The following LDB2 variants were observed in gnomAD, a reference collection of about 807,000 sequenced individuals.
LDB2 encodes the protein LIM domain-binding protein 2.
Under a neutral mutation model 44.3 loss-of-function variants are expected in LDB2, and 12 were observed. The ratio of observed to expected loss-of-function variants is 0.27; its 90% CI spans 0.17 to 0.44. The LOEUF (loss-of-function observed/expected upper bound fraction) is 0.44, where lower values mean the gene tolerates loss of function less well. LDB2 is among the 20% of genes least tolerant of loss of function. The pLI is 1.00. For synonymous variants in LDB2, 164 were observed against 174.8 expected, an observed-to-expected ratio of 0.94 and a Z score of 0.49; for missense variants, 344 against 473.5, an observed-to-expected ratio of 0.73 and a Z score of 2.54.
chr4:16,898,130 C>T (rs939549234), intron 1 of LDB2, among the ~76,000 whole-genome samples: 1 of 151,680 alleles, frequency 6.6e-6, no homozygotes, highest in African/African-American at 2.4e-5. Context: ...GAATCAAGTG[C>T]TGGGTTGTCT....
chr4:16,608,199 ACTT>A (rs149989232), intron 2 of LDB2, among the ~76,000 whole-genome samples: 2,083 of 118,076 alleles, frequency 0.018, 72 homozygotes, highest in African/African-American at 0.067. Context: ...AGAAAATCAC[ACTT>A]CTTCAAAAAA....
chr4:16,822,000 G>A (rs1036099072), intron 1 of LDB2, among the ~76,000 whole-genome samples: 2 of 151,916 alleles, frequency 1.3e-5, no homozygotes, highest in African/African-American at 4.8e-5. Flanking sequence ...AGCTGAGCAG[G>A]CTTAGCCCCA....
chr4:16,600,957 T>C (rs1722417554), intron 2 of LDB2, among the ~76,000 whole-genome samples: 2 of 152,266 alleles, frequency 1.3e-5, no homozygotes, highest in South Asian at 2.1e-4. Context: ...TTTTAGAGCA[T>C]TTTATCTCTT....
intron 2 of LDB2, among the ~76,000 whole-genome samples, chr4:16,637,197 T>C (rs1733827128): frequency 6.6e-6 from 1 of 152,028 alleles, no homozygotes; most frequent in Admixed American, 6.6e-5. Context: ...AGGAAGGAGG[T>C]TTAAGTTACA....
intron 5 of LDB2, among the ~76,000 whole-genome samples, chr4:16,580,981 C>A (rs576735779): frequency 1.3e-5 from 2 of 152,200 alleles, no homozygotes; most frequent in African/African-American, 4.8e-5. Flanking sequence ...GCAAGAATTT[C>A]ATATTAGAAA....
intron 5 of LDB2, among the ~76,000 whole-genome samples, chr4:16,556,891 C>G (rs1739824649): frequency 6.6e-6 from 1 of 152,220 alleles, no homozygotes; most frequent in South Asian, 2.1e-4. Flanking sequence ...GAGGCAGATT[C>G]TAAAATTTTC....
chr4:16,777,155 G>A (rs1033744960), intron 1 of LDB2, among the ~76,000 whole-genome samples: 2 of 152,136 alleles, frequency 1.3e-5, no homozygotes, highest in Non-Finnish European at 2.9e-5. Flanking sequence ...AGTAGAGGGT[G>A]AACAGGAATA....
chr4:16,665,554 C>G (rs35171704), intron 2 of LDB2, among the ~76,000 whole-genome samples: 1 of 151,928 alleles, frequency 6.6e-6, no homozygotes, highest in Non-Finnish European at 1.5e-5. Flanking sequence ...CGTGAGCCAC[C>G]GCGCCAAGCC....
chr4:16,578,860 T>C (rs189976855), intron 5 of LDB2, among the ~76,000 whole-genome samples: 2 of 152,272 alleles, frequency 1.3e-5, no homozygotes, highest in East Asian at 3.9e-4. Context: ...TACTATTCAG[T>C]CATATAAAAG....
At chr4:16,703,886 G>A (rs1177683857) in intron 2 of LDB2, among the ~76,000 whole-genome samples, 1 of 152,204 alleles carries the variant, frequency 6.6e-6, no homozygotes, top group South Asian at 2.1e-4. Flanking sequence ...TACAACATTA[G>A]TATAGTGGAT....
chr4:16,837,275 T>C lies in LDB2; in HGVS notation c.132+61079A>G, dbSNP rs574790196. 1.8e-4 allele frequency among the ~76,000 whole-genome samples: 27 copies of C among 152,296 alleles called. No homozygotes were observed. The South Asian group carries it at 2.1e-3, about 12-fold the overall frequency. On this transcript the variant is annotated intron_variant, in intron 1 of 7. Coordinates refer to ENST00000304523, the MANE Select transcript of LDB2 (RefSeq NM_001290.5). ...ATATCTGGAATAATAACATCTACCT[T>C]GGAGAACTACCATATATATTTAATG...
chr4:16,803,358 C>T (rs772113373), intron 1 of LDB2, among the ~76,000 whole-genome samples: 2 of 152,066 alleles, frequency 1.3e-5, no homozygotes, highest in Non-Finnish European at 2.9e-5. Context: ...TGACTTCCTA[C>T]GTGAATTGCA....
chr4:16,893,150 G>A lies in LDB2; in HGVS notation c.132+5204C>T, dbSNP rs972144268. ...TCTCATTTTTAAAACTGCACTTTTG[G>A]TTTCATTTAACATTTTCAAAATAGC... On this transcript the variant is annotated intron_variant, in intron 1 of 7. Transcript: ENST00000304523. The A allele has an allele frequency of 8.3e-6, 6 of 720,118 alleles. No homozygotes were observed. In the African/African-American group the frequency reaches 1.2e-4, roughly 14 times the overall value. The allele number at this position is 720,118 out of a possible 1,614,324, so 44.6% of individuals were successfully genotyped here.
chr4:16,528,775 C>T (rs546874112), intron 5 of LDB2, among the ~76,000 whole-genome samples: 5 of 152,118 alleles, frequency 3.3e-5, no homozygotes, highest in Admixed American at 6.5e-5. Context: ...GTGAGCCAAT[C>T]GTAAGGGACG....
intron 2 of LDB2, among the ~76,000 whole-genome samples, chr4:16,686,529 A>G (rs1305211607): frequency 6.6e-6 from 1 of 152,230 alleles, no homozygotes; most frequent in Non-Finnish European, 1.5e-5. Flanking sequence ...TTGGGCAGAA[A>G]TGCTGACAAC....
intron 2 of LDB2, among the ~76,000 whole-genome samples, chr4:16,758,694 A>C (rs995381448): frequency 1.5e-4 from 23 of 152,200 alleles, no homozygotes; most frequent in East Asian, 3.8e-4. Context: ...CCCACACCCC[A>C]AAAAAAGATA....
At chr4:16,897,130 C>G (rs1725240981) in intron 1 of LDB2, among the ~76,000 whole-genome samples, 1 of 152,188 alleles carries the variant, frequency 6.6e-6, no homozygotes, top group Admixed American at 6.5e-5. Flanking sequence ...ATTAAATACA[C>G]GAAACGTCAT....
intron 5 of LDB2, among the ~76,000 whole-genome samples, chr4:16,578,291 T>C (rs1341049141): frequency 2.6e-5 from 4 of 152,074 alleles, no homozygotes; most frequent in Non-Finnish European, 4.4e-5. Context: ...GAGAAAATAG[T>C]TGCAAGCTAC....
intron 2 of LDB2, among the ~76,000 whole-genome samples, chr4:16,601,563 G>C (rs1014663242): frequency 2.0e-5 from 3 of 151,992 alleles, no homozygotes; most frequent in Admixed American, 1.3e-4. Flanking sequence ...ATATAACCAA[G>C]CACATGTTTT....
Sources: gnomAD v4.1 joint callset for allele counts (sites outside exome capture counted in the v4.1 genomes callset) on GRCh38, gnomAD v4.1.1 for gene constraint, MANE v1.5 for transcripts, NCBI Gene and HGNC (gene_info 2026-07-23, HGNC 2026-07-21) for gene names.